Variants in KLHL1 observed in about 807,000 individuals in gnomAD.
KLHL1 encodes the protein kelch-like protein 1.
Under a neutral mutation model 77.7 loss-of-function variants are expected in KLHL1, and 47 were observed. The observed-to-expected ratio is 0.60, with a 90% CI of 0.48 to 0.77. The LOEUF is 0.77. KLHL1 is among the 30% of genes least tolerant of loss of function. The pLI, the probability that KLHL1 is intolerant of heterozygous loss-of-function variation, is 0.00. For missense variants in KLHL1, 925 were observed against 910.8 expected, an observed-to-expected ratio of 1.02 and a Z score of -0.20; for synonymous variants, 360 against 325.2, an observed-to-expected ratio of 1.11 and a Z score of -1.15.
chr13:69,740,705 G>A, intron 7 of KLHL1, 149 bp from the exon 8 acceptor site: 2 of 516,820 alleles, frequency 3.9e-6, no homozygotes, highest in Non-Finnish European at 6.4e-6. Flanking sequence ...ATTTCACAGT[G>A]AGATTTTAAA....
chr13:70,099,224 G>A (rs1887866162), intron 1 of KLHL1, among the ~76,000 whole-genome samples: 1 of 151,592 alleles, frequency 6.6e-6, no homozygotes, highest in African/African-American at 2.4e-5. Context: ...TATTCAAGAC[G>A]TTCTATATAA....
At chr13:69,932,559 G>A (rs930730466) in intron 4 of KLHL1, among the ~76,000 whole-genome samples, 1 of 151,832 alleles carries the variant, frequency 6.6e-6, no homozygotes, top group African/African-American at 2.4e-5. Flanking sequence ...ATTTTAAAAT[G>A]TTTAGTATTC....
At chr13:70,024,215 C>G (rs1885874632) in intron 1 of KLHL1, among the ~76,000 whole-genome samples, 1 of 151,880 alleles carries the variant, frequency 6.6e-6, no homozygotes, top group South Asian at 2.1e-4. Context: ...ATATTTCTCA[C>G]TTAACTGAAT....
intron 6 of KLHL1, among the ~76,000 whole-genome samples, chr13:69,823,213 C>T (rs924588876): frequency 6.6e-6 from 1 of 152,090 alleles, no homozygotes; most frequent in Non-Finnish European, 1.5e-5. Context: ...AACATGCAAC[C>T]CTGTGCTCTT....
intron 1 of KLHL1, among the ~76,000 whole-genome samples, chr13:69,996,148 C>G (rs1268662085): frequency 6.6e-6 from 1 of 151,826 alleles, no homozygotes; most frequent in Non-Finnish European, 1.5e-5. Flanking sequence ...ACTAAAAATA[C>G]AAAAATTAGC....
chr13:69,736,384 A>G lies in KLHL1; in HGVS notation c.1802+4010T>C, dbSNP rs112157066. On this transcript the variant is annotated intron_variant, in intron 8 of 10. Transcript: ENST00000377844. ...AGAATGGTCATAATCCAAAGATTTA[A>G]AAAAAACAGATTTTGGCATGGATGT... Among the ~76,000 whole-genome samples, 20 of 152,278 alleles carry G rather than the reference A, an allele frequency of 1.3e-4. 1 individual carries two copies. Among genetic ancestry groups the G allele is most frequent in the African/African-American group, 4.8e-4 (20 of 41,568 alleles).
intron 5 of KLHL1, among the ~76,000 whole-genome samples, chr13:69,844,707 T>C (rs1173702908): frequency 1.3e-5 from 2 of 151,696 alleles, no homozygotes; most frequent in African/African-American, 2.4e-5. Context: ...CAGTTTGTTA[T>C]AAAATGTTCA....
chr13:70,060,170 G>A (rs1414328054), intron 1 of KLHL1, among the ~76,000 whole-genome samples: 1 of 152,152 alleles, frequency 6.6e-6, no homozygotes, highest in African/African-American at 2.4e-5. Flanking sequence ...ATGAAAAGGT[G>A]CTTAACATCA....
intron 1 of KLHL1, among the ~76,000 whole-genome samples, chr13:70,035,867 A>G (rs1388054984): frequency 6.6e-6 from 1 of 152,086 alleles, no homozygotes; most frequent in East Asian, 1.9e-4. Context: ...ATTAACAATA[A>G]TTCTCATCTA....
chr13:69,984,601 C>T (rs1295039164), intron 1 of KLHL1, among the ~76,000 whole-genome samples: 1 of 152,152 alleles, frequency 6.6e-6, no homozygotes, highest in South Asian at 2.1e-4. Flanking sequence ...GTCTGTAAAA[C>T]CCGTGCATTT....
chr13:69,777,661 C>T (rs1875899942), intron 7 of KLHL1, among the ~76,000 whole-genome samples: 1 of 152,006 alleles, frequency 6.6e-6, no homozygotes. Context: ...TTTATATTTG[C>T]CTAACTATTC....
intron 10 of KLHL1, among the ~76,000 whole-genome samples, chr13:69,705,152 G>T (rs1215188212): frequency 2.0e-5 from 3 of 151,488 alleles, no homozygotes; most frequent in African/African-American, 7.3e-5. Flanking sequence ...ATTATTAAAG[G>T]GCAATTTTAC....
chr13:70,052,580 A>G (rs1309452472), intron 1 of KLHL1, among the ~76,000 whole-genome samples: 1 of 151,920 alleles, frequency 6.6e-6, no homozygotes, highest in African/African-American at 2.4e-5. Context: ...ATATTAGTTA[A>G]TTTTAAGTAT....
intron 1 of KLHL1, among the ~76,000 whole-genome samples, chr13:70,069,473 A>T (rs1887089984): frequency 6.6e-6 from 1 of 152,352 alleles, no homozygotes; most frequent in East Asian, 1.9e-4. Flanking sequence ...GCAAAAACAA[A>T]CAACCAAAAC....
intron 7 of KLHL1, among the ~76,000 whole-genome samples, chr13:69,776,173 T>A (rs1246823983): frequency 2.0e-5 from 3 of 151,608 alleles, no homozygotes; most frequent in Non-Finnish European, 2.9e-5. Flanking sequence ...AAAATAAAAA[T>A]AAAAAAATAA....
At chr13:70,035,477 T>C (rs940097251) in intron 1 of KLHL1, among the ~76,000 whole-genome samples, 1 of 151,888 alleles carries the variant, frequency 6.6e-6, no homozygotes, top group Non-Finnish European at 1.5e-5. Flanking sequence ...GGATGGTTAA[T>C]GGGTACAAAA....
chr13:69,845,592 T>TG (rs1879428000), intron 5 of KLHL1, among the ~76,000 whole-genome samples: 1 of 151,656 alleles, frequency 6.6e-6, no homozygotes, highest in African/African-American at 2.4e-5. Flanking sequence ...TTTTATTTCA[T>TG]GTGTATTGTT....
At chr13:69,967,810 G>A (rs1196834318) in intron 2 of KLHL1, among the ~76,000 whole-genome samples, 1 of 151,718 alleles carries the variant, frequency 6.6e-6, no homozygotes, top group East Asian at 1.9e-4. Context: ...GCTTGAACCT[G>A]GGAAGCGGAG....
intron 1 of KLHL1, among the ~76,000 whole-genome samples, chr13:70,033,391 A>G (rs2501203): frequency 0.73 from 110,643 of 151,678 alleles, 40,830 homozygotes; most frequent in Non-Finnish European, 0.79. Context: ...CCGGGTTCAC[A>G]CCATTCTCCT....
Sources: allele counts gnomAD v4.1 joint callset (sites outside exome capture counted in the v4.1 genomes callset), GRCh38; gene constraint gnomAD v4.1.1; transcripts MANE v1.5; gene names NCBI Gene and HGNC (gene_info 2026-07-23, HGNC 2026-07-21).